KIF5C: variants seen among roughly 807,000 people sequenced by gnomAD.
KIF5C encodes kinesin heavy chain isoform 5C.
KIF5C carries 18 observed loss-of-function variants against 125.2 expected under a neutral mutation model. The ratio of observed to expected loss-of-function variants is 0.14; its 90% CI spans 0.10 to 0.21. KIF5C has a LOEUF of 0.21. KIF5C is among the 10% of genes least tolerant of loss of function. The pLI is 1.00. For synonymous variants in KIF5C, 405 were observed against 434.0 expected (o/e 0.93, Z 0.83); for missense variants, 780 against 1,183.8 (o/e 0.66, Z 5.01).
At chr2:149,009,273 A>C (rs940175459) in intron 23 of KIF5C, among the ~76,000 whole-genome samples, 3 of 152,122 alleles carry the variant, frequency 2.0e-5, no homozygotes, top group African/African-American at 7.2e-5. Context: ...TACAGACGTG[A>C]GCCACTGCAC....
rs1682307578 is a variant in KIF5C at position 148,937,110 on chromosome 2, A to G, written c.292-174A>G. Among the ~76,000 whole-genome samples, 4 of 152,260 alleles carry G rather than the reference A, an allele frequency of 2.6e-5. No homozygotes were observed. The South Asian group carries it at 8.3e-4, about 32-fold the overall frequency. On this transcript the variant is annotated intron_variant, in intron 3 of 25. Transcript: ENST00000435030. The stretch of plus-strand genomic sequence containing the variant: ...ACAGGCCAACACAATGAGTTTTTCC[A>G]CCAACTTCTGGTCTGTTGGCAAGTC...
intron 15 of KIF5C, among the ~76,000 whole-genome samples, chr2:148,987,214 G>A (rs571877519): frequency 2.4e-4 from 37 of 152,316 alleles, no homozygotes; most frequent in African/African-American, 8.7e-4. Context: ...ATTCATGAAG[G>A]AGTGGCATGT....
intron 1 of KIF5C, among the ~76,000 whole-genome samples, chr2:148,897,300 TC>T (rs1323007057): frequency 6.6e-6 from 1 of 152,218 alleles, no homozygotes; most frequent in Non-Finnish European, 1.5e-5. Context: ...CTGCTTATGA[TC>T]TACTAAGTTT....
At position 148,875,416 on chromosome 2, in the gene KIF5C, C is replaced by A; in HGVS notation, c.-202C>A. 1.9e-6 allele frequency: 1 copy of A among 540,206 alleles called. No homozygotes were observed. The highest frequency in any genetic ancestry group is 3.2e-6 in the Non-Finnish European group (1 of 307,956). The allele number at this position is 540,206 out of a possible 1,614,324, so 33.5% of individuals were successfully genotyped here. ...CGGTCTGCAGCCGGAGGGGCCGGAG[C>A]GGAGAAGCTGCCCACCTTCCCGGGC... On this transcript the variant is annotated 5_prime_UTR_variant, in exon 1 of 26. Transcript: ENST00000435030.
At chr2:148,946,032 G>A (rs1433452054) in intron 7 of KIF5C, among the ~76,000 whole-genome samples, 5 of 152,020 alleles carry the variant, frequency 3.3e-5, no homozygotes, top group African/African-American at 9.7e-5. Context: ...CTTTGGTTAA[G>A]TTTATTCCTA....
At chr2:148,985,536 A>C (rs1325056403) in intron 15 of KIF5C, among the ~76,000 whole-genome samples, 1 of 152,220 alleles carries the variant, frequency 6.6e-6, no homozygotes, top group Non-Finnish European at 1.5e-5. Context: ...CTTTATAATA[A>C]TACAGCATCT....
intron 1 of KIF5C, among the ~76,000 whole-genome samples, chr2:148,895,514 T>C (rs78472583): frequency 6.6e-6 from 1 of 151,834 alleles, no homozygotes; most frequent in Non-Finnish European, 1.5e-5. Context: ...CTTTTTTTTT[T>C]ATCTTGAATC....
intron 10 of KIF5C, among the ~76,000 whole-genome samples, 155 bp from the exon 11 acceptor site, chr2:148,961,816 G>A (rs556152995): frequency 1.3e-5 from 2 of 152,314 alleles, no homozygotes; most frequent in South Asian, 2.1e-4. Context: ...TAGTGGTGCC[G>A]TTAGTCCAAT....
chr2:148,926,275 G>C (rs923103562), intron 2 of KIF5C, among the ~76,000 whole-genome samples: 1 of 152,228 alleles, frequency 6.6e-6, no homozygotes, highest in Non-Finnish European at 1.5e-5. Context: ...GGCACCTGCA[G>C]TGGAAGCTCC....
intron 8 of KIF5C, among the ~76,000 whole-genome samples, chr2:148,947,592 C>A (rs867669140): frequency 1.3e-5 from 2 of 152,198 alleles, no homozygotes; most frequent in Admixed American, 6.5e-5. Flanking sequence ...CAAGCCTTTA[C>A]TGTTCTCTGG....
chr2:148,900,490 G>C (rs1680851632), intron 1 of KIF5C, among the ~76,000 whole-genome samples: 1 of 152,072 alleles, frequency 6.6e-6, no homozygotes, highest in South Asian at 2.1e-4. Context: ...TGACATAGGG[G>C]CCTCTCCCTC....
At chr2:148,923,870 G>A (rs73966649) in intron 2 of KIF5C, among the ~76,000 whole-genome samples, 21,250 of 152,024 alleles carry the variant, frequency 0.14, 2,328 homozygotes, top group African/African-American at 0.3. Context: ...TTCAATGTTC[G>A]GATTTCTCTA....
rs1239533408 is a variant in KIF5C, at chr2:149,000,722, A to G, written c.2313A>G (p.Leu771=). The part of the protein sequence containing the change: ...QEREMKLEKL[L]LLNDKREQAR... ...TCTATGGTTCCTTTTTGTTTTTCAGATTGCTCAACGATAAAAGGGAACAAG... is the reference window on the plus strand; with the variant it reads ...TCTATGGTTCCTTTTTGTTTTTCAGGTTGCTCAACGATAAAAGGGAACAAG... The change falls in exon 21 of 26, where the codon TTA becomes TTG. Residue 771 remains leucine, a splice_region_variant and synonymous_variant. Transcript: ENST00000435030. The G allele has an allele frequency of 3.1e-6, 5 of 1,613,606 alleles. No homozygotes were observed. The highest frequency in any genetic ancestry group is 4.2e-6 in the Non-Finnish European group (5 of 1,179,788).
rs759499744 is a variant in KIF5C, at chr2:148,941,973, A to C, written c.484A>C (p.Arg162=). ...TNLAVHEDKN[R]VPYVKGCTER... ...CTTGGCTGTTCATGAAGATAAAAAC[A>C]GAGTCCCGTATGTAAAGGTATGAGG... The change falls in exon 6 of 26, where the codon AGA becomes CGA. Residue 162 remains arginine (R), a synonymous_variant. Coordinates refer to ENST00000435030, the MANE Select transcript of KIF5C (RefSeq NM_004522.3). The C allele has an allele frequency of 1.9e-6, 3 of 1,612,390 alleles. No individual in the cohort carries two copies. Among genetic ancestry groups the C allele is most frequent in the Non-Finnish European group, 2.5e-6 (3 of 1,179,612 alleles).
At chr2:148,910,190 A>G (rs774250334) in intron 1 of KIF5C, among the ~76,000 whole-genome samples, 1 of 152,250 alleles carries the variant, frequency 6.6e-6, no homozygotes, top group Non-Finnish European at 1.5e-5. Flanking sequence ...ATAACTAAAA[A>G]TCTATAAAAG....
intron 15 of KIF5C, 70 bp downstream of exon 15, chr2:148,983,836 T>G: frequency 1.4e-6 from 2 of 1,458,724 alleles, no homozygotes; most frequent in Non-Finnish European, 1.8e-6. Flanking sequence ...CTTTACTCTT[T>G]TAAGCATTCA....
intron 1 of KIF5C, among the ~76,000 whole-genome samples, chr2:148,898,972 C>T (rs1252174648): frequency 6.6e-6 from 1 of 152,062 alleles, no homozygotes; most frequent in Non-Finnish European, 1.5e-5. Flanking sequence ...TGAAGAAAAA[C>T]AGTAATATTT....
intron 1 of KIF5C, among the ~76,000 whole-genome samples, chr2:148,916,295 C>T (rs573400052): frequency 1.3e-5 from 2 of 152,346 alleles, no homozygotes; most frequent in South Asian, 4.1e-4. Context: ...CCAGACATGG[C>T]TCCTTGCCTT....
chr2:148,988,565 T>G (rs1681444862), intron 15 of KIF5C, among the ~76,000 whole-genome samples: 1 of 152,208 alleles, frequency 6.6e-6, no homozygotes, highest in African/African-American at 2.4e-5. Flanking sequence ...TACCAGGAGC[T>G]GGTGTAGGCT....
Sources: allele counts gnomAD v4.1 joint callset (sites outside exome capture counted in the v4.1 genomes callset), GRCh38; gene constraint gnomAD v4.1.1; transcripts MANE v1.5; gene names NCBI Gene and HGNC (gene_info 2026-07-23, HGNC 2026-07-21).